Variants in FANCC observed in about 807,000 individuals in gnomAD.
FANCC encodes FA complementation group C.
In FANCC, 55 loss-of-function variants were observed where a neutral mutation model predicts 71.3. That is an observed-to-expected ratio of 0.77 (90% CI 0.62 to 0.97). The LOEUF is 0.97. Ranked by LOEUF, FANCC falls within the 50% of genes least tolerant of loss-of-function variation. The pLI is 0.00. For synonymous variants in FANCC, 275 were observed against 244.9 expected, an observed-to-expected ratio of 1.12 and a Z score of -1.15; for missense variants, 678 against 670.9, an observed-to-expected ratio of 1.01 and a Z score of -0.12.
intron 4 of FANCC, among the ~76,000 whole-genome samples, chr9:95,239,160 G>A (rs1050893885): frequency 6.6e-6 from 1 of 152,126 alleles, no homozygotes; most frequent in African/African-American, 2.4e-5. Context: ...CCCAGGAAAT[G>A]TCTCCAAACC....
intron 8 of FANCC, among the ~76,000 whole-genome samples, chr9:95,134,669 T>C (rs1246344784): frequency 2.6e-5 from 4 of 152,178 alleles, no homozygotes; most frequent in African/African-American, 7.2e-5. Context: ...CCTTACAAAA[T>C]GTGCTCCAAT....
At chr9:95,208,721 C>A (rs1403816181) in intron 4 of FANCC, among the ~76,000 whole-genome samples, 1 of 152,090 alleles carries the variant, frequency 6.6e-6, no homozygotes, top group Non-Finnish European at 1.5e-5. Flanking sequence ...TGGCCCAAAT[C>A]CAGAACCCTG....
intron 1 of FANCC, among the ~76,000 whole-genome samples, chr9:95,275,068 T>C (rs1041357472): frequency 6.6e-5 from 10 of 150,830 alleles, no homozygotes; most frequent in Middle Eastern, 3.2e-3. Context: ...ACCCAGGAGT[T>C]TGACACCAGC....
rs201757865 is a variant in FANCC, at chr9:95,189,201, T to C, written c.346-17054A>G. Among the ~76,000 whole-genome samples, 557 of 152,146 alleles carry C rather than the reference T, an allele frequency of 3.7e-3. 9 individuals are homozygous for C. The East Asian group carries it at 0.043, about 12-fold the overall frequency. On this transcript the variant is annotated intron_variant, in intron 4 of 14. Transcript: ENST00000289081. ...AATCCTGCCTTCAATGTTTTTTTTT[T>C]CCCTTTTTAAAATTTATATGTCCCA...
Position 95,171,959 on chromosome 9 carries a change from A to G in FANCC, c.456+78T>C, listed in dbSNP as rs1825706636. 3.3e-6 allele frequency: 3 copies of G among 912,644 alleles called. No individual in the cohort carries two copies. The Admixed American group carries it at 5.5e-5, about 17-fold the overall frequency. The allele number at this position is 912,644 out of a possible 1,614,324, so 56.5% of individuals were successfully genotyped here. A position where few individuals can be genotyped will look rare whatever the true frequency, so the allele number is the denominator to read the frequency against. Reference sequence around the variant, plus strand: ...TTAAACATCTCTTCTGGAGGACTGAAATATTTCCATTTACTCTTTTTGCTG... The same window carrying G: ...TTAAACATCTCTTCTGGAGGACTGAGATATTTCCATTTACTCTTTTTGCTG... On this transcript the variant is annotated intron_variant, in intron 5 of 14. Coordinates refer to ENST00000289081, the MANE Select transcript of FANCC (RefSeq NM_000136.3).
chr9:95,261,963 A>G (rs772728955), intron 1 of FANCC, among the ~76,000 whole-genome samples: 2 of 152,206 alleles, frequency 1.3e-5, no homozygotes, highest in Non-Finnish European at 2.9e-5. Flanking sequence ...CAAGATACTG[A>G]AAAGGAACCA....
At chr9:95,238,597 G>A (rs968430250) in intron 4 of FANCC, among the ~76,000 whole-genome samples, 9 of 150,182 alleles carry the variant, frequency 6.0e-5, no homozygotes, top group Non-Finnish European at 7.4e-5. Flanking sequence ...ACAGAGTCTC[G>A]CTCTGTCACC....
intron 4 of FANCC, among the ~76,000 whole-genome samples, chr9:95,211,933 A>G (rs71498693): frequency 6.6e-6 from 1 of 152,036 alleles, no homozygotes; most frequent in African/African-American, 2.4e-5. Context: ...TAAAAAATAC[A>G]CAAAGCAAAA....
chr9:95,315,112 G>A (rs928876879), intron 1 of FANCC, among the ~76,000 whole-genome samples: 1 of 152,194 alleles, frequency 6.6e-6, no homozygotes, highest in Admixed American at 6.5e-5. Context: ...AGGCATGCAG[G>A]TCTCTTACCC....
chr9:95,309,829 TGACAGGTGCTCA>T, intron 1 of FANCC, among the ~76,000 whole-genome samples: 1 of 152,268 alleles, frequency 6.6e-6, no homozygotes, highest in Middle Eastern at 3.4e-3. Context: ...GGATCCAGCA[TGACAGGTGCTCA>T]GACATCTCAA....
At chr9:95,286,914 T>A (rs1476541617) in intron 1 of FANCC, among the ~76,000 whole-genome samples, 1 of 152,214 alleles carries the variant, frequency 6.6e-6, no homozygotes, top group Non-Finnish European at 1.5e-5. Flanking sequence ...GAATTCTGTA[T>A]CTCATTTATA....
In FANCC at chr9:95,117,324, C is replaced by G. The variant is rs587778325; in HGVS notation, c.1063G>C (p.Asp355His). 1.9e-5 allele frequency: 30 copies of G among 1,613,978 alleles called. No homozygotes were observed. Among genetic ancestry groups the G allele is most frequent in the Non-Finnish European group, 1.7e-5 (20 of 1,180,028 alleles). ...GTCAACCCTAACTCACCTTGAGGGT[C>G]TTGCAGCAGCACCATGGCAAGAGAT... ...SPSLAMVLLQ[D>H]PQDIPRGHWL... is the part of the protein sequence containing the mutation. Residue 355 changes from aspartate to histidine, a missense_variant, in exon 11 of 15, where the codon GAC (aspartate) becomes CAC (histidine). Physicochemically the swap from Asp to His is moderately conservative, Grantham distance 81. Coordinates refer to ENST00000289081, the MANE Select transcript of FANCC (RefSeq NM_000136.3).
At chr9:95,125,509 C>G (rs922596218) in intron 9 of FANCC, among the ~76,000 whole-genome samples, 1 of 152,156 alleles carries the variant, frequency 6.6e-6, no homozygotes, top group African/African-American at 2.4e-5. Context: ...CAACATTTTG[C>G]TTTCACAAGT....
At chr9:95,252,232 G>GCAC (rs1831375009) in intron 1 of FANCC, among the ~76,000 whole-genome samples, 1 of 121,864 alleles carries the variant, frequency 8.2e-6, no homozygotes, top group African/African-American at 3.2e-5. Flanking sequence ...AGCCGAGACC[G>GCAC]CACCATTGCA....
At chr9:95,233,210 T>TA (rs546045207) in intron 4 of FANCC, among the ~76,000 whole-genome samples, 247 of 143,952 alleles carry the variant, frequency 1.7e-3, no homozygotes, top group Middle Eastern at 0.014. Context: ...AATTAATCTT[T>TA]AAAAAAAAAA....
chr9:95,285,721 C>T (rs1772541820), intron 1 of FANCC, among the ~76,000 whole-genome samples: 1 of 151,938 alleles, frequency 6.6e-6, no homozygotes, highest in South Asian at 2.1e-4. Context: ...TAAACAGCCA[C>T]TCATATGCAG....
At chr9:95,230,565 T>C (rs1829938530) in intron 4 of FANCC, among the ~76,000 whole-genome samples, 1 of 152,150 alleles carries the variant, frequency 6.6e-6, no homozygotes, top group Admixed American at 6.5e-5. Flanking sequence ...CCTTCAGATG[T>C]TCAGATGTGT....
chr9:95,229,899 G>T (rs954445101), intron 4 of FANCC, among the ~76,000 whole-genome samples: 1 of 151,990 alleles, frequency 6.6e-6, no homozygotes. Context: ...TAGAAAAAGA[G>T]AAGGGAAAAA....
chr9:95,306,890 T>C (rs1393010110), intron 1 of FANCC, among the ~76,000 whole-genome samples: 1 of 152,144 alleles, frequency 6.6e-6, no homozygotes, highest in Non-Finnish European at 1.5e-5. Context: ...ATTTAGTTTT[T>C]AGACACAGGG....
Sources: gnomAD v4.1 joint callset for allele counts (sites outside exome capture counted in the v4.1 genomes callset) on GRCh38, gnomAD v4.1.1 for gene constraint, MANE v1.5 for transcripts, NCBI Gene and HGNC (gene_info 2026-07-23, HGNC 2026-07-21) for gene names.